The following OBI1 variants were observed in gnomAD, a reference collection of about 807,000 sequenced individuals.
The protein encoded by OBI1 is ring finger protein 219.
Under a neutral mutation model 62.4 loss-of-function variants are expected in OBI1, and 59 were observed. That is an observed-to-expected ratio of 0.95 (90% CI 0.77 to 1.17). The LOEUF (loss-of-function observed/expected upper bound fraction) is 1.17, where lower values mean the gene tolerates loss of function less well. Ranked by LOEUF, OBI1 falls within the 50% of genes most tolerant of loss-of-function variation. The pLI, the probability that OBI1 is intolerant of heterozygous loss-of-function variation, is 0.00. For missense variants in OBI1, 875 were observed against 830.9 expected (o/e 1.05, Z -0.65); for synonymous variants, 302 against 292.8 (o/e 1.03, Z -0.32).
intron 1 of OBI1, among the ~76,000 whole-genome samples, chr13:78,658,488 G>A (rs545720773): frequency 1.1e-4 from 17 of 152,206 alleles, no homozygotes; most frequent in African/African-American, 3.6e-4. Context: ...TACCCTCCAG[G>A]AGCACTTACT....
rs1458724411 is a variant in OBI1, at chr13:78,615,012, C to T, written c.*568G>A. ...AAAGTAAATCAATATTGGACTAAGG[C>T]TAGAGTGCTATTTCTCCATCATGGC... On this transcript the variant is annotated 3_prime_UTR_variant, in exon 6 of 6. Coordinates refer to ENST00000282003, the MANE Select transcript of OBI1 (RefSeq NM_024546.4). The T allele has an allele frequency of 1.3e-5, 2 of 152,204 alleles. No homozygotes were observed. The highest frequency in any genetic ancestry group is 2.1e-4 in the South Asian group (1 of 4,816). 9.4% of individuals were successfully genotyped at this position (152,204 alleles called of 1,614,324 possible). A position where few individuals can be genotyped will look rare whatever the true frequency, so the allele number is the denominator to read the frequency against.
intron 1 of OBI1, among the ~76,000 whole-genome samples, chr13:78,649,825 A>C (rs757289814): frequency 1.3e-5 from 2 of 152,176 alleles, no homozygotes; most frequent in African/African-American, 2.4e-5. Context: ...GTGTGAACAA[A>C]CACAAAGGGG....
intron 1 of OBI1, among the ~76,000 whole-genome samples, chr13:78,653,977 T>C (rs915155043): frequency 1.3e-5 from 2 of 151,266 alleles, no homozygotes; most frequent in African/African-American, 2.4e-5. Context: ...CTCTTGGTTA[T>C]GTTTTAAGAA....
At chr13:78,655,924 A>C (rs1329461229) in intron 1 of OBI1, among the ~76,000 whole-genome samples, 1 of 152,240 alleles carries the variant, frequency 6.6e-6, no homozygotes, top group African/African-American at 2.4e-5. Flanking sequence ...CAGCACAATC[A>C]TACTGAATTT....
Position 78,638,854 on chromosome 13 carries a change from T to C in OBI1, c.518A>G (p.Lys173Arg). Reference protein sequence around the residue: ...KLRTANEIYEKVKDDVDKLKE... With the variant: ...KLRTANEIYERVKDDVDKLKE... ...TAGCTTATCCACATCATCTTTCACTTTTTCATAGATTTCATTAGCTGTTCT... is the reference window on the plus strand; with the variant it reads ...TAGCTTATCCACATCATCTTTCACTCTTTCATAGATTTCATTAGCTGTTCT... The change falls in exon 4 of 6, where the codon AAA (lysine) becomes AGA (arginine). Residue 173 changes from lysine (K) to arginine (R), a missense_variant. Coordinates refer to ENST00000282003, the MANE Select transcript of OBI1 (RefSeq NM_024546.4). 6.2e-7 allele frequency: 1 copy of C among 1,613,478 alleles called. No individual in the cohort carries two copies.
At chr13:78,645,122 G>C in intron 1 of OBI1, 125 bp from the exon 2 acceptor site, 2 of 910,788 alleles carry the variant, frequency 2.2e-6, no homozygotes, top group Non-Finnish European at 3.3e-6. Context: ...GGGATATCTA[G>C]CGCTTTTAAA....
chr13:78,639,009 C>T lies in OBI1; in HGVS notation c.363G>A (p.Glu121=). ...EELKSKNLSL[E]SQIKTILDPL... ...GATCCAGAATAGTTTTGATCTGTGA[C>T]TCCAAGCTGAGATTTTTACTCTTAA... Residue 121 remains glutamate (E), a synonymous_variant, in exon 4 of 6, where the codon GAG becomes GAA. Transcript: ENST00000282003. The T allele has an allele frequency of 6.2e-7, 1 of 1,613,904 alleles. No individual in the cohort carries two copies.
chr13:78,645,075 T>C (rs1876342012), intron 1 of OBI1, 78 bp from the exon 2 acceptor site: 2 of 1,374,146 alleles, frequency 1.5e-6, no homozygotes, highest in African/African-American at 2.9e-5. Flanking sequence ...TACAGCAAAC[T>C]GCTTCTCTAG....
chr13:78,619,527 A>G (rs1000311978), intron 5 of OBI1, among the ~76,000 whole-genome samples: 6 of 151,908 alleles, frequency 3.9e-5, no homozygotes, highest in South Asian at 2.1e-4. Flanking sequence ...CACTGCCCCC[A>G]ATTTCCTTAA....
At chr13:78,652,907 C>T (rs1876586476) in intron 1 of OBI1, among the ~76,000 whole-genome samples, 1 of 152,108 alleles carries the variant, frequency 6.6e-6, no homozygotes, top group African/African-American at 2.4e-5. Context: ...GGTATATCCC[C>T]CAGGTGTAAA....
rs1269978349 is a variant in OBI1, at chr13:78,615,521, C to CT, written c.*58dup. 3.8e-6 allele frequency: 5 copies of CT among 1,312,866 alleles called. No homozygotes were observed. The highest frequency in any genetic ancestry group is 1.9e-4 in the Middle Eastern group (1 of 5,232). The allele number at this position is 1,312,866 out of a possible 1,614,324, so 81.3% of individuals were successfully genotyped here. A position where few individuals can be genotyped will look rare whatever the true frequency, so the allele number is the denominator to read the frequency against. The stretch of plus-strand genomic sequence containing the variant: ...GAACTTTTATGAGGAAAAAAGGTAA[C>CT]TTTAACAACTTTTCTATTTCTCTCA... On this transcript the variant is annotated 3_prime_UTR_variant, in exon 6 of 6. Transcript: ENST00000282003.
Position 78,656,792 on chromosome 13 carries a change from A to ATT in OBI1, c.72+2255_72+2256dup, listed in dbSNP as rs869148028. Among the ~76,000 whole-genome samples the ATT allele has an allele frequency of 7.3e-3, 488 of 67,166 alleles. 8 individuals carry two copies. The highest frequency in any genetic ancestry group is 0.023 in the African/African-American group (348 of 15,310). The allele number at this position is 67,166 out of a possible 152,430, so 44.1% of individuals were successfully genotyped here. ...ATTAATTAATTTTCTTTTATTTTTA[A>ATT]TTTTTTTTTTTTTTTTTTTTTTGAG... On this transcript the variant is annotated intron_variant, in intron 1 of 5. Transcript: ENST00000282003.
intron 1 of OBI1, among the ~76,000 whole-genome samples, chr13:78,646,235 T>C (rs1876378446): frequency 6.6e-6 from 1 of 152,166 alleles, no homozygotes; most frequent in Non-Finnish European, 1.5e-5. Flanking sequence ...TACATATTTA[T>C]TGTCTATCTC....
chr13:78,621,136 C>A (rs1478279875), intron 5 of OBI1, among the ~76,000 whole-genome samples: 1 of 152,160 alleles, frequency 6.6e-6, no homozygotes, highest in Non-Finnish European at 1.5e-5. Flanking sequence ...GGACCTGGAC[C>A]AGCTTTTGTG....
Position 78,656,780 on chromosome 13 carries a change from C to T in OBI1, c.72+2269G>A, listed in dbSNP as rs936988391. ...TAAAAATCCTTAATTAATTAATTTTCTTTTATTTTTAATTTTTTTTTTTTT... is the reference window on the plus strand; with the variant it reads ...TAAAAATCCTTAATTAATTAATTTTTTTTTATTTTTAATTTTTTTTTTTTT... On this transcript the variant is annotated intron_variant, in intron 1 of 5. Transcript: ENST00000282003. Among the ~76,000 whole-genome samples, 222 of 71,842 alleles carry T rather than the reference C, an allele frequency of 3.1e-3. No homozygotes were observed. In the Middle Eastern group the frequency reaches 0.033, roughly 11 times the overall value. The allele number at this position is 71,842 out of a possible 152,430, so 47.1% of individuals were successfully genotyped here. A position where few individuals can be genotyped will look rare whatever the true frequency, so the allele number is the denominator to read the frequency against.
intron 5 of OBI1, among the ~76,000 whole-genome samples, chr13:78,626,773 C>A (rs1875679430): frequency 6.6e-6 from 1 of 152,052 alleles, no homozygotes; most frequent in Non-Finnish European, 1.5e-5. Context: ...TTATACTAGA[C>A]CAAGAATATT....
intron 5 of OBI1, among the ~76,000 whole-genome samples, chr13:78,632,480 A>G (rs1875884031): frequency 6.6e-6 from 1 of 152,150 alleles, no homozygotes; most frequent in Non-Finnish European, 1.5e-5. Context: ...CTTCTGCTCA[A>G]CTTGTAGGAT....
chr13:78,655,122 A>G (rs1367297731), intron 1 of OBI1, among the ~76,000 whole-genome samples: 1 of 152,120 alleles, frequency 6.6e-6, no homozygotes, highest in Non-Finnish European at 1.5e-5. Flanking sequence ...TTTGGCTTTC[A>G]CTCATGGCAA....
rs552729820 is a variant in OBI1 at position 78,620,320 on chromosome 13, C to T, written c.639-3198G>A. Among the ~76,000 whole-genome samples, 11 of 152,302 alleles carry T rather than the reference C, an allele frequency of 7.2e-5. No individual in the cohort carries two copies. The East Asian group carries it at 2.1e-3, about 29-fold the overall frequency. On this transcript the variant is annotated intron_variant, in intron 5 of 5. Transcript: ENST00000282003. ...AATTCTAGATATTTGGAGTATACAA[C>T]ACTAAATGAAGCTATGCCAAGGCAA... is the stretch of plus-strand genomic sequence containing the variant.
Sources: gnomAD v4.1 joint callset for allele counts (sites outside exome capture counted in the v4.1 genomes callset) on GRCh38, gnomAD v4.1.1 for gene constraint, MANE v1.5 for transcripts, NCBI Gene and HGNC (gene_info 2026-07-23, HGNC 2026-07-21) for gene names.